Variants in CYP2E1 observed in about 807,000 individuals in gnomAD.
CYP2E1 encodes cytochrome P450 family 2 subfamily E member 1.
A neutral mutation model predicts 42.9 loss-of-function variants in CYP2E1; 31 were observed. The ratio of observed to expected loss-of-function variants is 0.72; its 90% CI spans 0.54 to 0.98. CYP2E1 has a LOEUF of 0.98. CYP2E1 is among the 50% of genes least tolerant of loss of function. The pLI is 0.00. For synonymous variants in CYP2E1, 244 were observed against 248.9 expected (o/e 0.98, Z 0.19); for missense variants, 565 against 633.2 (o/e 0.89, Z 1.16).
intron 6 of CYP2E1, among the ~76,000 whole-genome samples, chr10:133,536,227 A>T (rs1186991355): frequency 6.6e-6 from 1 of 152,170 alleles, no homozygotes; most frequent in African/African-American, 2.4e-5. Flanking sequence ...TCATCAACTG[A>T]GATAATGGAT....
intron 6 of CYP2E1, among the ~76,000 whole-genome samples, chr10:133,536,753 A>ATAAATGGG: frequency 4.7e-5 from 1 of 21,202 alleles, no homozygotes; most frequent in Non-Finnish European, 2.9e-4. Context: ...GGGTGGGTGG[A>ATAAATGGG]TGGATGGGTG....
chr10:133,533,982 T>C, intron 6 of CYP2E1, 85 bp downstream of exon 6: 1 of 1,401,452 alleles, frequency 7.1e-7, no homozygotes, highest in Non-Finnish European at 9.9e-7. Flanking sequence ...TGCAGCTTTC[T>C]GTCTGAAGCT....
intron 2 of CYP2E1, 129 bp downstream of exon 2, chr10:133,528,769 A>G: frequency 8.1e-7 from 1 of 1,229,818 alleles, no homozygotes; most frequent in Non-Finnish European, 1.1e-6. Flanking sequence ...CATCCGAAGG[A>G]TGAGATCAGG....
In CYP2E1 at chr10:133,533,915, G is replaced by A; in HGVS notation, c.967+18G>A. ...GATCGAAGGTAGGCAAGTGACTGAA[G>A]GGACACCGTGCGTGCGGCTGCATCT... On this transcript the variant is annotated intron_variant, in intron 6 of 8. Transcript: ENST00000252945. 2 of 1,613,672 alleles carry A rather than the reference G, an allele frequency of 1.2e-6. No individual in the cohort carries two copies. Among genetic ancestry groups the A allele is most frequent in the South Asian group, 2.2e-5 (2 of 91,054 alleles).
chr10:133,538,757 A>G, intron 8 of CYP2E1, 23 bp from the exon 9 acceptor site: 3 of 1,608,560 alleles, frequency 1.9e-6, no homozygotes, highest in Non-Finnish European at 1.7e-6. Context: ...TCAGTGTCTC[A>G]TCAATACCAT....
At chr10:133,537,395 T>C in intron 7 of CYP2E1, 145 bp downstream of exon 7, 1 of 771,264 alleles carries the variant, frequency 1.3e-6, no homozygotes, top group Non-Finnish European at 2.1e-6. Flanking sequence ...TCCCACCCTG[T>C]GGGATACTGC....
intron 1 of CYP2E1, 28 bp from the exon 2 acceptor site, chr10:133,528,453 C>A: frequency 1.2e-6 from 2 of 1,609,530 alleles, no homozygotes; most frequent in South Asian, 1.1e-5. Context: ...GCGCGGCGGG[C>A]CTGACTTCTA....
chr10:133,536,410 C>CTGGATGGGTGGGTGGATGGAT (rs1851396305), intron 6 of CYP2E1, among the ~76,000 whole-genome samples: 1 of 148,868 alleles, frequency 6.7e-6, no homozygotes, highest in Non-Finnish European at 1.5e-5. Flanking sequence ...GGTGGATGGA[C>CTGGATGGGTGGGTGGATGGAT]GGACGGATGG....
chr10:133,539,052 T>C lies in CYP2E1; in HGVS notation c.*88T>C, dbSNP rs1389260147. 5 of 953,716 alleles carry C rather than the reference T, an allele frequency of 5.2e-6. No homozygotes were observed. The African/African-American group carries it at 8.3e-5, about 16-fold the overall frequency. The allele number at this position is 953,716 out of a possible 1,614,324, so 59.1% of individuals were successfully genotyped here. ...GATTTCTCAAACTGATTCCTTTCTT[T>C]GCATATGAGTATTTGAAAATAAATA... On this transcript the variant is annotated 3_prime_UTR_variant, in exon 9 of 9. Transcript: ENST00000252945.
rs771631693 is a variant in CYP2E1 at position 133,527,577 on chromosome 10, G to A, written c.177+5G>A. 6.2e-7 allele frequency: 1 copy of A among 1,603,126 alleles called. No individual in the cohort carries two copies. The highest frequency in any genetic ancestry group is 1.7e-5 in the Admixed American group (1 of 59,796). ...ATTCCCAAGTCCTTCACCCGGGTAA[G>A]AGAAATAGTGTTGATTTTAGGGAGA... On this transcript the variant is annotated splice_donor_5th_base_variant and intron_variant, in intron 1 of 8. Transcript: ENST00000252945.
rs546804720 is a variant in CYP2E1, at chr10:133,532,071, G to A, written c.488-53G>A. Reference sequence around the variant, plus strand: ...AACCTCAGTGGGTGACTGAGCAGGTGGAGGAGTCTCCTCACCCCCATCTTC... The same window carrying A: ...AACCTCAGTGGGTGACTGAGCAGGTAGAGGAGTCTCCTCACCCCCATCTTC... On this transcript the variant is annotated intron_variant, in intron 3 of 8. Transcript: ENST00000252945. 4.2e-5 allele frequency: 65 copies of A among 1,560,418 alleles called. No individual in the cohort carries two copies. The African/African-American group carries it at 7.6e-4, about 18-fold the overall frequency.
intron 2 of CYP2E1, among the ~76,000 whole-genome samples, chr10:133,529,455 A>G (rs1016214644): frequency 1.3e-5 from 2 of 152,226 alleles, no homozygotes; most frequent in African/African-American, 4.8e-5. Context: ...GATTAGAAAT[A>G]ACAGTGTCCC....
chr10:133,531,578 G>C lies in CYP2E1; in HGVS notation c.338-7G>C. Reference sequence around the variant, plus strand: ...AGAATAACCTTCTGCTGGCCCCTCTGCCTTAGGAATCATTTTTAATAATGG... The same window carrying C: ...AGAATAACCTTCTGCTGGCCCCTCTCCCTTAGGAATCATTTTTAATAATGG... On this transcript the variant is annotated splice_region_variant and splice_polypyrimidine_tract_variant and intron_variant, in intron 2 of 8. Transcript: ENST00000252945. 6.2e-7 allele frequency: 1 copy of C among 1,613,990 alleles called. No individual in the cohort carries two copies. The highest frequency in any genetic ancestry group is 8.5e-7 in the Non-Finnish European group (1 of 1,179,980).
At chr10:133,532,315 C>G (rs767704036) in intron 4 of CYP2E1, 31 bp downstream of exon 4, 1 of 1,600,206 alleles carries the variant, frequency 6.2e-7, no homozygotes, top group Non-Finnish European at 8.6e-7. Context: ...CATCAGTCAT[C>G]AACTGTAGAG....
At chr10:133,534,029 A>G (rs943976) in intron 6 of CYP2E1, 132 bp downstream of exon 6, 971,983 of 973,498 alleles carry the variant, frequency 1, 485,247 homozygotes, top group East Asian at 1. Context: ...TGAGATGGCT[A>G]GATGCACTGC....
Position 133,531,748 on chromosome 10 carries a change from G to A in CYP2E1, c.487+14G>A. The A allele has an allele frequency of 1.3e-6, 2 of 1,569,284 alleles. No individual in the cohort carries two copies. Among genetic ancestry groups the A allele is most frequent in the Non-Finnish European group, 1.7e-6 (2 of 1,159,206 alleles). On this transcript the variant is annotated intron_variant, in intron 3 of 8. Transcript: ENST00000252945. ...GGAAGACCCAAGGTGCGTATCTGCT[G>A]CCTAGCAGGGCCCAGTCCTCTTGCA...
chr10:133,533,688 G>A, intron 5 of CYP2E1, 68 bp from the exon 6 acceptor site: 2 of 1,560,910 alleles, frequency 1.3e-6, no homozygotes, highest in Non-Finnish European at 1.7e-6. Flanking sequence ...GGAGCTGGGA[G>A]GTGGCTGGTT....
intron 4 of CYP2E1, 54 bp downstream of exon 4, chr10:133,532,338 A>G: frequency 6.4e-7 from 1 of 1,554,136 alleles, no homozygotes; most frequent in Non-Finnish European, 8.8e-7. Context: ...TACGTTAGAA[A>G]AAGAAGGAAA....
intron 5 of CYP2E1, 142 bp from the exon 6 acceptor site, chr10:133,533,614 G>A: frequency 1.0e-6 from 1 of 961,582 alleles, no homozygotes; most frequent in Non-Finnish European, 1.5e-6. Context: ...GACTCTGTCT[G>A]TCACAGCTCC....
Sources: gnomAD v4.1 joint callset for allele counts (sites outside exome capture counted in the v4.1 genomes callset) on GRCh38, gnomAD v4.1.1 for gene constraint, MANE v1.5 for transcripts, NCBI Gene and HGNC (gene_info 2026-07-23, HGNC 2026-07-21) for gene names.